The following SEMA3D variants were observed in gnomAD, a reference collection of about 807,000 sequenced individuals.
The protein encoded by SEMA3D is semaphorin-3D.
SEMA3D carries 84 observed loss-of-function variants against 100.1 expected under a neutral mutation model. That is an observed-to-expected ratio of 0.84 (90% CI 0.70 to 1.01). SEMA3D has a LOEUF of 1.01. Ranked by LOEUF, SEMA3D falls within the 50% of genes least tolerant of loss-of-function variation. SEMA3D has a pLI of 0.00. For synonymous variants in SEMA3D, 312 were observed against 320.7 expected, an observed-to-expected ratio of 0.97 and a Z score of 0.29; for missense variants, 875 against 934.1, an observed-to-expected ratio of 0.94 and a Z score of 0.82.
At chr7:85,208,989 T>A in the SEMA3D span, among the ~76,000 whole-genome samples, 2 of 152,110 alleles carry the variant, frequency 1.3e-5, no homozygotes, top group Non-Finnish European at 2.9e-5. Context: ...GACACTTTTA[T>A]GCCTCGTTAG....
At chr7:85,019,867 T>C (rs1459366543) in intron 14 of SEMA3D, among the ~76,000 whole-genome samples, 1 of 151,670 alleles carries the variant, frequency 6.6e-6, no homozygotes, top group East Asian at 2.0e-4. Flanking sequence ...ACTGGTCTAT[T>C]TTTCTCAAAT....
intron 1 of SEMA3D, among the ~76,000 whole-genome samples, chr7:85,171,495 C>T (rs1477256840): frequency 6.6e-6 from 1 of 151,850 alleles, no homozygotes; most frequent in Non-Finnish European, 1.5e-5. Flanking sequence ...TTCCATCTTC[C>T]CTACCTGTGT....
chr7:85,182,951 A>T (rs924054890), intron 1 of SEMA3D, among the ~76,000 whole-genome samples: 59 of 152,300 alleles, frequency 3.9e-4, no homozygotes, highest in African/African-American at 1.3e-3. Flanking sequence ...ATTGACAAGG[A>T]TGATTCTGAA....
rs1025916569 is a variant in SEMA3D at position 85,178,384 on chromosome 7, G to T, written c.-173+8294C>A. On this transcript the variant is annotated intron_variant, in intron 1 of 18. Transcript: ENST00000284136. ...CTGAAACTTCTGAGACTTGTTGAAT[G>T]GTTTTGACCAAAATGCTTATAATGA... Among the ~76,000 whole-genome samples the T allele has an allele frequency of 2.0e-5, 3 of 152,172 alleles. No individual in the cohort carries two copies. In the East Asian group the frequency reaches 5.8e-4, roughly 29 times the overall value.
chr7:85,076,834 G>A (rs549906975), intron 5 of SEMA3D, among the ~76,000 whole-genome samples: 2 of 152,180 alleles, frequency 1.3e-5, no homozygotes, highest in East Asian at 1.9e-4. Context: ...GGTGGCTCAC[G>A]CCTGTAATCC....
At chr7:85,130,725 A>G (rs1336903553) in intron 2 of SEMA3D, among the ~76,000 whole-genome samples, 3 of 152,194 alleles carry the variant, frequency 2.0e-5, no homozygotes, top group African/African-American at 7.2e-5. Flanking sequence ...AATTGATATC[A>G]TAAGTTCCAT....
At chr7:85,007,925 T>C (rs1007629556) in intron 17 of SEMA3D, among the ~76,000 whole-genome samples, 4 of 151,810 alleles carry the variant, frequency 2.6e-5, no homozygotes, top group Admixed American at 6.6e-5. Flanking sequence ...TTCAAGAAAC[T>C]AATTTTGAAT....
At chr7:85,101,527 T>C (rs1788743319) in intron 3 of SEMA3D, among the ~76,000 whole-genome samples, 1 of 151,970 alleles carries the variant, frequency 6.6e-6, no homozygotes, top group Admixed American at 6.6e-5. Flanking sequence ...AGTTTCCTCA[T>C]CTGTAAAGTG....
chr7:85,044,559 A>C (rs1790955036), intron 9 of SEMA3D, among the ~76,000 whole-genome samples: 1 of 152,170 alleles, frequency 6.6e-6, no homozygotes, highest in South Asian at 2.1e-4. Context: ...ATTGGCACTT[A>C]AGGAACAAAC....
chr7:85,045,942 T>C (rs1363937732), intron 9 of SEMA3D, among the ~76,000 whole-genome samples: 2 of 151,912 alleles, frequency 1.3e-5, no homozygotes, highest in African/African-American at 4.8e-5. Flanking sequence ...TCTTATATAT[T>C]GATAGTATTT....
At position 85,122,101 on chromosome 7, in the gene SEMA3D, G is replaced by C. The variant is rs186675762; in HGVS notation, c.-40-170C>G. Among the ~76,000 whole-genome samples, 494 of 152,068 alleles carry C rather than the reference G, an allele frequency of 3.2e-3. 14 individuals are homozygous for C. Among genetic ancestry groups the C allele is most frequent in the Non-Finnish European group, 3.6e-3 (248 of 67,970 alleles). ...AGGGCCTGTTGGGGGCTGGGGGCTG[G>C]GGGAGGGAGAGCATTAGGAGAAATA... On this transcript the variant is annotated intron_variant, in intron 2 of 18. Coordinates refer to ENST00000284136, the MANE Select transcript of SEMA3D (RefSeq NM_001384900.1).
chr7:85,148,231 C>T (rs192896452), intron 2 of SEMA3D, among the ~76,000 whole-genome samples: 16 of 152,088 alleles, frequency 1.1e-4, no homozygotes, highest in African/African-American at 3.9e-4. Flanking sequence ...ATTAACCCTC[C>T]CTGAGATCTG....
At position 85,133,639 on chromosome 7, in the gene SEMA3D, G is replaced by A. The variant is rs146056967; in HGVS notation, c.-40-11708C>T. Among the ~76,000 whole-genome samples the A allele has an allele frequency of 5.4e-3, 823 of 152,030 alleles. 9 individuals are homozygous for A. The highest frequency in any genetic ancestry group is 0.019 in the African/African-American group (778 of 41,526). Reference sequence around the variant, plus strand: ...TTTTCCAGGGATTGCTCAGCCTACTGGTTAAAAGTTCAGTCTCTGGCTATA... The same window carrying A: ...TTTTCCAGGGATTGCTCAGCCTACTAGTTAAAAGTTCAGTCTCTGGCTATA... On this transcript the variant is annotated intron_variant, in intron 2 of 18. Coordinates refer to ENST00000284136, the MANE Select transcript of SEMA3D (RefSeq NM_001384900.1).
At chr7:85,123,009 A>G (rs1294038371) in intron 2 of SEMA3D, among the ~76,000 whole-genome samples, 4 of 152,172 alleles carry the variant, frequency 2.6e-5, no homozygotes, top group Admixed American at 6.6e-5. Flanking sequence ...CTTTACATAG[A>G]TTAAATGATT....
At chr7:85,165,572 T>C (rs1346898635) in intron 1 of SEMA3D, among the ~76,000 whole-genome samples, 1 of 152,066 alleles carries the variant, frequency 6.6e-6, no homozygotes, top group Non-Finnish European at 1.5e-5. Context: ...AACAGGCCAG[T>C]CACTTTATTT....
Position 85,121,941 on chromosome 7 carries a change from AG to A in SEMA3D, c.-40-11del. 2.2e-6 allele frequency: 3 copies of A among 1,354,486 alleles called. No homozygotes were observed. The highest frequency in any genetic ancestry group is 1.4e-5 in the South Asian group (1 of 71,634). The allele number at this position is 1,354,486 out of a possible 1,614,324, so 83.9% of individuals were successfully genotyped here. The stretch of plus-strand genomic sequence containing the variant: ...ATGGTGTTAATTTAATCTAAAAAAG[AG>A]TAAAAAAAAAAAAACTATTAAGGTA... On this transcript the variant is annotated splice_polypyrimidine_tract_variant and intron_variant, in intron 2 of 18. Coordinates refer to ENST00000284136, the MANE Select transcript of SEMA3D (RefSeq NM_001384900.1).
chr7:85,246,566 C>T, the SEMA3D span, among the ~76,000 whole-genome samples: 54 of 151,924 alleles, frequency 3.6e-4, 1 homozygote, highest in African/African-American at 1.1e-3. Flanking sequence ...AAAATTAAAA[C>T]CTCAAGGAGA....
chr7:85,176,029 G>A (rs1791213917), intron 1 of SEMA3D, among the ~76,000 whole-genome samples: 1 of 151,706 alleles, frequency 6.6e-6, no homozygotes, highest in Non-Finnish European at 1.5e-5. Context: ...TTATGATTAA[G>A]TATTCACAAG....
At chr7:85,227,966 G>A in the SEMA3D span, among the ~76,000 whole-genome samples, 6,166 of 152,102 alleles carry the variant, frequency 0.041, 204 homozygotes, top group African/African-American at 0.085. Flanking sequence ...ATAATAAATT[G>A]TTCTTGCTTC....
Sources: gnomAD v4.1 joint callset for allele counts (sites outside exome capture counted in the v4.1 genomes callset) on GRCh38, gnomAD v4.1.1 for gene constraint, MANE v1.5 for transcripts, NCBI Gene and HGNC (gene_info 2026-07-23, HGNC 2026-07-21) for gene names.